GMDS: variants seen among roughly 807,000 people sequenced by gnomAD.
GMDS encodes GDP-mannose 4,6 dehydratase.
Under a neutral mutation model 49.9 loss-of-function variants are expected in GMDS, and 20 were observed. The ratio of observed to expected loss-of-function variants is 0.40; its 90% CI spans 0.28 to 0.58. GMDS has a LOEUF of 0.58. Among genes scored for constraint, GMDS ranks in the 20% least tolerant of loss-of-function variants. GMDS has a pLI of 0.42. For missense variants in GMDS, 362 were observed against 481.4 expected (o/e 0.75, Z 2.32); for synonymous variants, 177 against 178.6 (o/e 0.99, Z 0.07).
chr6:2,220,891 AC>A (rs1780555002), intron 1 of GMDS, among the ~76,000 whole-genome samples: 1 of 152,152 alleles, frequency 6.6e-6, no homozygotes, highest in Admixed American at 6.5e-5. Context: ...GAAGGGATGT[AC>A]AAGCTCAGGC....
At chr6:1,741,329 A>G (rs1057489485) in intron 8 of GMDS, among the ~76,000 whole-genome samples, 1 of 152,110 alleles carries the variant, frequency 6.6e-6, no homozygotes, top group East Asian at 1.9e-4. Flanking sequence ...TTCTCTCCCC[A>G]GCCTCTTTCC....
intron 4 of GMDS, among the ~76,000 whole-genome samples, chr6:2,057,958 G>A (rs996202254): frequency 6.6e-6 from 1 of 152,088 alleles, no homozygotes; most frequent in African/African-American, 2.4e-5. Context: ...TGGGCAGCAC[G>A]GGTCTAGAGG....
intron 4 of GMDS, among the ~76,000 whole-genome samples, chr6:2,067,441 A>C (rs1442673596): frequency 2.0e-5 from 3 of 151,836 alleles, no homozygotes; most frequent in Admixed American, 2.0e-4. Context: ...AAATAGAGAC[A>C]CAAAAAACCC....
At chr6:1,733,393 G>A (rs970873180) in intron 8 of GMDS, among the ~76,000 whole-genome samples, 5 of 152,224 alleles carry the variant, frequency 3.3e-5, no homozygotes, top group Non-Finnish European at 5.9e-5. Flanking sequence ...CTGAATGGAT[G>A]GGGTGAGGCT....
At chr6:1,869,312 T>TA (rs1461676669) in intron 7 of GMDS, among the ~76,000 whole-genome samples, 6 of 152,306 alleles carry the variant, frequency 3.9e-5, no homozygotes, top group Non-Finnish European at 5.9e-5. Context: ...CGTTCCTAAA[T>TA]AAAAATCAAG....
intron 2 of GMDS, among the ~76,000 whole-genome samples, chr6:2,119,230 T>C (rs1166272507): frequency 6.6e-6 from 1 of 152,196 alleles, no homozygotes; most frequent in Non-Finnish European, 1.5e-5. Flanking sequence ...CATTTATTAA[T>C]ATATATTCAT....
chr6:1,758,419 CCA>C (rs999200787), intron 7 of GMDS, among the ~76,000 whole-genome samples: 3 of 152,168 alleles, frequency 2.0e-5, no homozygotes, highest in African/African-American at 7.2e-5. Flanking sequence ...GGCACTCATA[CCA>C]CACTCTCTCC....
At chr6:2,017,946 C>T (rs983618957) in intron 4 of GMDS, among the ~76,000 whole-genome samples, 1 of 152,206 alleles carries the variant, frequency 6.6e-6, no homozygotes, top group African/African-American at 2.4e-5. Context: ...TGCAGGTATA[C>T]TTGGTAAAGA....
chr6:2,052,126 A>AAAAAAAAAAAAAAAAAAAC (rs1562008317), intron 4 of GMDS, among the ~76,000 whole-genome samples: 1 of 140,882 alleles, frequency 7.1e-6, no homozygotes, highest in African/African-American at 2.9e-5. Context: ...CAAAAAAAAA[A>AAAAAAAAAAAAAAAAAAAC]AAAAGAAAAA....
At chr6:1,675,496 G>C (rs956317850) in intron 9 of GMDS, among the ~76,000 whole-genome samples, 3 of 152,136 alleles carry the variant, frequency 2.0e-5, no homozygotes, top group African/African-American at 7.2e-5. Context: ...GGTGGTGGAA[G>C]AAGGGACATC....
chr6:2,051,450 T>A (rs1001990331), intron 4 of GMDS, among the ~76,000 whole-genome samples: 4 of 152,272 alleles, frequency 2.6e-5, no homozygotes, highest in Admixed American at 6.5e-5. Context: ...TAAAATACAC[T>A]AATTGATTTT....
chr6:2,225,597 G>C (rs1179396185), intron 1 of GMDS, among the ~76,000 whole-genome samples: 1 of 152,122 alleles, frequency 6.6e-6, no homozygotes, highest in African/African-American at 2.4e-5. Context: ...TTTCCGGCTT[G>C]CATCCGGATC....
At chr6:1,793,438 C>T (rs542774663) in intron 7 of GMDS, among the ~76,000 whole-genome samples, 87 of 152,222 alleles carry the variant, frequency 5.7e-4, no homozygotes, top group African/African-American at 2.0e-3. Flanking sequence ...GGTGGGAAAC[C>T]TTAAATGACC....
chr6:1,805,349 G>C (rs1770130248), intron 7 of GMDS, among the ~76,000 whole-genome samples: 1 of 152,084 alleles, frequency 6.6e-6, no homozygotes, highest in African/African-American at 2.4e-5. Flanking sequence ...TTGATGTATT[G>C]ACAGTCCCCC....
chr6:1,933,280 C>T (rs144532108), intron 6 of GMDS, among the ~76,000 whole-genome samples: 130 of 152,324 alleles, frequency 8.5e-4, no homozygotes, highest in African/African-American at 2.9e-3. Flanking sequence ...TAACCGTCCA[C>T]GAGATGACTA....
intron 4 of GMDS, among the ~76,000 whole-genome samples, chr6:2,073,316 G>A (rs147419582): frequency 6.6e-6 from 1 of 152,284 alleles, no homozygotes; most frequent in East Asian, 1.9e-4. Flanking sequence ...AATATCTTTA[G>A]TATTCAGAAA....
chr6:1,838,962 T>C (rs1757040673), intron 7 of GMDS, among the ~76,000 whole-genome samples: 1 of 152,206 alleles, frequency 6.6e-6, no homozygotes, highest in African/African-American at 2.4e-5. Flanking sequence ...GATGCTGAAC[T>C]TGAGAAAAAT....
At chr6:2,104,982 A>G (rs1280847248) in intron 4 of GMDS, among the ~76,000 whole-genome samples, 2 of 152,076 alleles carry the variant, frequency 1.3e-5, no homozygotes, top group Non-Finnish European at 2.9e-5. Context: ...GGAGATCGAG[A>G]CCATCCTGGC....
chr6:1,629,236 C>T (rs1017419609), intron 9 of GMDS, among the ~76,000 whole-genome samples: 24 of 152,134 alleles, frequency 1.6e-4, no homozygotes, highest in African/African-American at 5.3e-4. Context: ...TTAATCCTTC[C>T]CAAAGAGGGA....
Sources: allele counts gnomAD v4.1 joint callset (sites outside exome capture counted in the v4.1 genomes callset), GRCh38; gene constraint gnomAD v4.1.1; transcripts MANE v1.5; gene names NCBI Gene and HGNC (gene_info 2026-07-23, HGNC 2026-07-21).